Variants in MYH11 observed in about 807,000 individuals in gnomAD.
The protein encoded by MYH11 is myosin heavy chain 11, also known as myosin-11.
Under a neutral mutation model 246.6 loss-of-function variants are expected in MYH11, and 80 were observed. The observed-to-expected ratio is 0.32, with a 90% CI of 0.27 to 0.39. MYH11 has a LOEUF of 0.39. Ranked by LOEUF, MYH11 falls within the 10% of genes least tolerant of loss-of-function variation. MYH11 has a pLI of 1.00. For missense variants in MYH11, 2,158 were observed against 2,546.8 expected, an observed-to-expected ratio of 0.85 and a Z score of 3.29; for synonymous variants, 1,071 against 1,015.5, an observed-to-expected ratio of 1.05 and a Z score of -1.04.
At chr16:15,724,001 C>G (rs1489093697) in intron 31 of MYH11, among the ~76,000 whole-genome samples, 160 bp downstream of exon 31, 2 of 152,166 alleles carry the variant, frequency 1.3e-5, no homozygotes, top group Admixed American at 1.3e-4. Flanking sequence ...AGCGTTAATG[C>G]TCCATGGTCG....
Position 15,751,609 on chromosome 16 carries a change from CTT to C in MYH11, c.1865-1280_1865-1279del, listed in dbSNP as rs34772774. On this transcript the variant is annotated intron_variant, in intron 15 of 40. Coordinates refer to ENST00000300036, the MANE Select transcript of MYH11 (RefSeq NM_002474.3). ...TTCTACTCAGATTCTGTGTAACAATCTTTTTTTTTTTTTTTTTTTTTTGAGAC... is the reference window on the plus strand; with the variant it reads ...TTCTACTCAGATTCTGTGTAACAATCTTTTTTTTTTTTTTTTTTTTGAGAC... Among the ~76,000 whole-genome samples the C allele has an allele frequency of 2.2e-4, 26 of 116,348 alleles. No individual in the cohort carries two copies. The East Asian group carries it at 3.9e-3, about 17-fold the overall frequency. The allele number at this position is 116,348 out of a possible 152,430, so 76.3% of individuals were successfully genotyped here.
At chr16:15,835,224 T>C (rs978133610) in intron 2 of MYH11, among the ~76,000 whole-genome samples, 1 of 152,130 alleles carries the variant, frequency 6.6e-6, no homozygotes, top group Non-Finnish European at 1.5e-5. Context: ...ATACTACCCC[T>C]TACAAGGGGT....
Position 15,752,883 on chromosome 16 carries a change from TAAATAAAC to T in MYH11, c.1864+503_1864+510del, listed in dbSNP as rs535883008. Among the ~76,000 whole-genome samples the T allele has an allele frequency of 1.3e-4, 20 of 152,102 alleles. No individual in the cohort carries two copies. The East Asian group carries it at 3.9e-3, about 29-fold the overall frequency. ...GACAAAGCAAGACTCTGTCCCTAAA[TAAATAAAC>T]AAAGCCTTCCAGGGGGTCATGATGC... On this transcript the variant is annotated intron_variant, in intron 15 of 40. Coordinates refer to ENST00000300036, the MANE Select transcript of MYH11 (RefSeq NM_002474.3).
At chr16:15,811,459 G>A (rs1567192419) in intron 3 of MYH11, among the ~76,000 whole-genome samples, 1 of 152,158 alleles carries the variant, frequency 6.6e-6, no homozygotes, top group East Asian at 1.9e-4. Flanking sequence ...GGCCAAGTAG[G>A]TGTGCTGAGT....
At chr16:15,801,883 GGAGGTGGAGGTTGCAGT>G (rs2151326110) in intron 3 of MYH11, among the ~76,000 whole-genome samples, 1 of 152,176 alleles carries the variant, frequency 6.6e-6, no homozygotes, top group East Asian at 1.9e-4. Flanking sequence ...CTTCAACCCA[GGAGGTGGAGGTTGCAGT>G]GAGGTGAGAT....
At chr16:15,715,675 A>G (rs1014899037) in intron 38 of MYH11, among the ~76,000 whole-genome samples, 1 of 152,044 alleles carries the variant, frequency 6.6e-6, no homozygotes. Flanking sequence ...CCCAGGTTGG[A>G]GTGCAGTGGT....
rs1215643493 is a variant in MYH11, at chr16:15,724,285, G to A, written c.4241C>T (p.Ala1414Val). 8 of 1,614,136 alleles carry A rather than the reference G, an allele frequency of 5.0e-6. No homozygotes were observed. The highest frequency in any genetic ancestry group is 3.3e-5 in the South Asian group (3 of 91,082). ...LTQQYEEKAAAYDKLEKTKNR... is the reference protein window; with the variant it reads ...LTQQYEEKAAVYDKLEKTKNR... ...CTTGGTCTTTTCCAGTTTATCATAA[G>A]CGGCCGCCTTCTCCTCGTACTGCTG... The change falls in exon 31 of 41, where the codon GCT (alanine) becomes GTT (valine). Residue 1414 changes from alanine to valine, a missense_variant. Physicochemically the swap from Ala to Val is moderately conservative, Grantham distance 64. Transcript: ENST00000300036.
chr16:15,717,930 G>A (rs888550068), intron 37 of MYH11: 13 of 343,414 alleles, frequency 3.8e-5, no homozygotes, highest in Non-Finnish European at 6.1e-5. Context: ...GCAGGTTACT[G>A]GATGGTCCCT....
intron 1 of MYH11, among the ~76,000 whole-genome samples, chr16:15,848,485 T>C (rs1474814004): frequency 6.6e-6 from 1 of 152,002 alleles, no homozygotes; most frequent in Non-Finnish European, 1.5e-5. Flanking sequence ...CCTCCCACCT[T>C]GGCCCCCCAA....
At chr16:15,827,933 A>G (rs371819346) in intron 2 of MYH11, among the ~76,000 whole-genome samples, 3 of 151,750 alleles carry the variant, frequency 2.0e-5, no homozygotes, top group Admixed American at 6.6e-5. Flanking sequence ...ATCAAGCCCC[A>G]CCCTCCTTCA....
intron 40 of MYH11, chr16:15,714,035 G>A (rs2039974477): frequency 6.6e-6 from 1 of 152,376 alleles, no homozygotes; most frequent in Non-Finnish European, 1.5e-5. Flanking sequence ...CCCGGTAGAA[G>A]CAGCAGGATC....
intron 6 of MYH11, chr16:15,779,457 A>C (rs2042297734): frequency 6.0e-6 from 1 of 165,456 alleles, no homozygotes; most frequent in Non-Finnish European, 1.3e-5. Flanking sequence ...TCCCCATTTT[A>C]AAGCTGGGAA....
At position 15,757,824 on chromosome 16, in the gene MYH11, C is replaced by T. The variant is rs377632137; in HGVS notation, c.1575+3G>A. 1.3e-5 allele frequency: 21 copies of T among 1,614,098 alleles called. No individual in the cohort carries two copies. Among genetic ancestry groups the T allele is most frequent in the Non-Finnish European group, 1.7e-5 (20 of 1,180,046 alleles). The stretch of plus-strand genomic sequence containing the variant: ...GAGCCCCGCACGCCCACGTGCCCCT[C>T]ACCGGTCGCTCGATGAGCTCGATGC... On this transcript the variant is annotated splice_donor_region_variant and intron_variant, in intron 13 of 40. Transcript: ENST00000300036.
intron 6 of MYH11, chr16:15,779,149 G>A: frequency 2.1e-6 from 1 of 467,538 alleles, no homozygotes. Flanking sequence ...ATTTATTAGA[G>A]ACAAGGTTTT....
At chr16:15,817,450 C>G (rs1216612791) in intron 3 of MYH11, among the ~76,000 whole-genome samples, 1 of 152,092 alleles carries the variant, frequency 6.6e-6, no homozygotes, top group East Asian at 1.9e-4. Context: ...AGAAATCATA[C>G]CACTGAGCTG....
At chr16:15,855,905 A>G (rs2044454460) in intron 1 of MYH11, among the ~76,000 whole-genome samples, 1 of 152,230 alleles carries the variant, frequency 6.6e-6, no homozygotes, top group Non-Finnish European at 1.5e-5. Flanking sequence ...TCATACTGCA[A>G]CTAAACACTC....
At chr16:15,822,389 G>A (rs1366053222) in intron 3 of MYH11, among the ~76,000 whole-genome samples, 1 of 152,102 alleles carries the variant, frequency 6.6e-6, no homozygotes, top group African/African-American at 2.4e-5. Flanking sequence ...TAAATAGAAG[G>A]TGAGAAGGCC....
chr16:15,787,634 C>T (rs895409507), intron 4 of MYH11, among the ~76,000 whole-genome samples: 4 of 151,744 alleles, frequency 2.6e-5, no homozygotes, highest in Non-Finnish European at 2.9e-5. Context: ...CCAGCACACT[C>T]GGCTAATTTT....
rs747923542 is a variant in MYH11 at position 15,720,857 on chromosome 16, C to T, written c.4773G>A (p.Arg1591=). 1.9e-5 allele frequency: 30 copies of T among 1,613,640 alleles called. No individual in the cohort carries two copies. The highest frequency in any genetic ancestry group is 1.7e-4 in the Middle Eastern group (1 of 5,840). ...QARDEQNEEK[R]RQLQRQLHEY... ...CACGCACCTGTCTCTGCAGTTGCCTCCTCTTCTCCTCATTCTGCTCGTCCC... is the reference window on the plus strand; with the variant it reads ...CACGCACCTGTCTCTGCAGTTGCCTTCTCTTCTCCTCATTCTGCTCGTCCC... Residue 1591 remains arginine, a synonymous_variant, in exon 33 of 41, where the codon AGG becomes AGA. Transcript: ENST00000300036.
Sources: gnomAD v4.1 joint callset for allele counts (sites outside exome capture counted in the v4.1 genomes callset) on GRCh38, gnomAD v4.1.1 for gene constraint, MANE v1.5 for transcripts, NCBI Gene and HGNC (gene_info 2026-07-23, HGNC 2026-07-21) for gene names.